SNTG1: variants seen among roughly 807,000 people sequenced by gnomAD.
SNTG1 encodes the protein gamma-1-syntrophin.
Under a neutral mutation model 74.7 loss-of-function variants are expected in SNTG1, and 39 were observed. The ratio of observed to expected loss-of-function variants is 0.52; its 90% confidence interval spans 0.40 to 0.68. SNTG1 has a LOEUF of 0.68. SNTG1 is among the 30% of genes least tolerant of loss of function. The probability of loss-of-function intolerance (pLI) is 0.00; values close to 1 mark genes in which losing one functional copy is unlikely to be tolerated. For synonymous variants in SNTG1, 254 were observed against 217.1 expected (o/e 1.17, Z -1.49); for missense variants, 685 against 609.5 (o/e 1.12, Z -1.30).
chr8:50,189,656 G>T (rs1007150214), intron 2 of SNTG1, among the ~76,000 whole-genome samples: 1 of 152,174 alleles, frequency 6.6e-6, no homozygotes, highest in African/African-American at 2.4e-5. Context: ...TACCAAGTCT[G>T]CTGTAAGACC....
At chr8:50,027,336 T>G (rs900958) in intron 1 of SNTG1, among the ~76,000 whole-genome samples, 125,684 of 152,078 alleles carry the variant, frequency 0.83, 52,110 homozygotes, top group East Asian at 0.95. Flanking sequence ...GACACCAGCC[T>G]TATCCAGACA....
At chr8:50,554,908 G>C (rs1363152131) in intron 12 of SNTG1, among the ~76,000 whole-genome samples, 1 of 151,644 alleles carries the variant, frequency 6.6e-6, no homozygotes, top group Non-Finnish European at 1.5e-5. Context: ...GTTAAACTTT[G>C]AATCCAAAGT....
intron 15 of SNTG1, among the ~76,000 whole-genome samples, chr8:50,687,221 G>A (rs1293005908): frequency 5.3e-5 from 8 of 149,894 alleles, no homozygotes; most frequent in South Asian, 2.1e-4. Flanking sequence ...AAGAAAGACA[G>A]CGAGAGATGA....
intron 2 of SNTG1, among the ~76,000 whole-genome samples, chr8:50,333,352 G>A (rs2091031936): frequency 1.3e-5 from 2 of 152,204 alleles, no homozygotes; most frequent in African/African-American, 4.8e-5. Flanking sequence ...GTGTTTGTTT[G>A]CAAGTATTTT....
At position 50,307,792 on chromosome 8, in the gene SNTG1, T is replaced by A. The variant is rs566237213; in HGVS notation, c.-27-86420T>A. On this transcript the variant is annotated intron_variant, in intron 2 of 18. Transcript: ENST00000642720. ...ATTATAACTTCTTTCTGTTCTTCAT[T>A]TTTGTAGACATCATTTATTTATAGC... 3.0e-5 allele frequency among the ~76,000 whole-genome samples: 4 copies of A among 131,880 alleles called. No individual in the cohort carries two copies. The South Asian group carries it at 9.7e-4, about 32-fold the overall frequency. The allele number at this position is 131,880 out of a possible 152,430, so 86.5% of individuals were successfully genotyped here.
intron 1 of SNTG1, among the ~76,000 whole-genome samples, chr8:50,024,812 C>A (rs534286564): frequency 1.3e-5 from 2 of 152,222 alleles, no homozygotes; most frequent in South Asian, 4.1e-4. Flanking sequence ...AAAAAGATGG[C>A]TACTAAGGGA....
chr8:50,448,090 A>G (rs1379148622), intron 5 of SNTG1, among the ~76,000 whole-genome samples: 1 of 152,210 alleles, frequency 6.6e-6, no homozygotes, highest in Non-Finnish European at 1.5e-5. Context: ...TGTTAGGGAC[A>G]CACAGACCAA....
intron 2 of SNTG1, among the ~76,000 whole-genome samples, chr8:50,296,058 T>C (rs1224349655): frequency 2.0e-5 from 3 of 152,172 alleles, no homozygotes; most frequent in Non-Finnish European, 4.4e-5. Flanking sequence ...ATATTTAATA[T>C]TCAATTTGTC....
intron 1 of SNTG1, among the ~76,000 whole-genome samples, chr8:49,970,993 G>T (rs1811612869): frequency 6.6e-6 from 1 of 152,156 alleles, no homozygotes; most frequent in Non-Finnish European, 1.5e-5. Flanking sequence ...AATAGAAAAA[G>T]AGGGAATCCT....
intron 1 of SNTG1, among the ~76,000 whole-genome samples, chr8:50,073,849 G>T (rs1221324450): frequency 6.6e-6 from 1 of 151,050 alleles, no homozygotes; most frequent in East Asian, 1.9e-4. Flanking sequence ...TGAGAAGCAG[G>T]TCTTAACAGT....
At chr8:50,702,093 C>A (rs2095428166) in intron 15 of SNTG1, among the ~76,000 whole-genome samples, 1 of 152,018 alleles carries the variant, frequency 6.6e-6, no homozygotes, top group Non-Finnish European at 1.5e-5. Context: ...CTCAAGTGAT[C>A]TGCCCACCTC....
At chr8:50,085,161 T>C (rs372056352) in intron 1 of SNTG1, among the ~76,000 whole-genome samples, 2 of 152,346 alleles carry the variant, frequency 1.3e-5, no homozygotes, top group East Asian at 1.9e-4. Context: ...AGATAAAGCC[T>C]CTTTTATTTA....
At chr8:50,382,625 AACT>A (rs1329263086) in intron 2 of SNTG1, among the ~76,000 whole-genome samples, 2 of 152,222 alleles carry the variant, frequency 1.3e-5, no homozygotes, top group African/African-American at 2.4e-5. Context: ...CATCAAAATA[AACT>A]ACTTTCAATA....
chr8:50,232,156 A>AACT (rs2085661616), intron 2 of SNTG1, among the ~76,000 whole-genome samples: 1 of 151,422 alleles, frequency 6.6e-6, no homozygotes, highest in African/African-American at 2.4e-5. Context: ...AAAATAAATA[A>AACT]ACTACAGAGC....
chr8:50,032,676 G>A (rs1053205835), intron 1 of SNTG1, among the ~76,000 whole-genome samples: 10 of 152,004 alleles, frequency 6.6e-5, no homozygotes, highest in Admixed American at 3.3e-4. Flanking sequence ...AGTTTGTTTC[G>A]TAGATACAAT....
intron 1 of SNTG1, among the ~76,000 whole-genome samples, chr8:49,965,531 A>G (rs1486390997): frequency 6.6e-6 from 1 of 152,194 alleles, no homozygotes; most frequent in African/African-American, 2.4e-5. Context: ...GAAGCTCAAG[A>G]GAATCCTGCT....
rs192832260 is a variant in SNTG1 at position 50,383,161 on chromosome 8, C to T, written c.-27-11051C>T. ...ACCATCACAGCTCACCCTTTGTCAA[C>T]GTAACATTCATATATATCCCCTTAA... On this transcript the variant is annotated intron_variant, in intron 2 of 18. Transcript: ENST00000642720. Among the ~76,000 whole-genome samples the T allele has an allele frequency of 9.9e-5, 15 of 152,274 alleles. No individual in the cohort carries two copies. In the East Asian group the frequency reaches 2.1e-3, roughly 22 times the overall value.
chr8:50,276,012 C>A (rs1050265346), intron 2 of SNTG1, among the ~76,000 whole-genome samples: 3 of 152,158 alleles, frequency 2.0e-5, no homozygotes, highest in Non-Finnish European at 4.4e-5. Flanking sequence ...TAACCAATGT[C>A]TATTTTATTT....
intron 2 of SNTG1, among the ~76,000 whole-genome samples, chr8:50,335,123 C>T (rs1308780501): frequency 6.6e-6 from 1 of 152,110 alleles, no homozygotes; most frequent in Non-Finnish European, 1.5e-5. Flanking sequence ...CTTACTTGAC[C>T]TTGTCTTGTT....
Sources: allele counts gnomAD v4.1 joint callset (sites outside exome capture counted in the v4.1 genomes callset), GRCh38; gene constraint gnomAD v4.1.1; transcripts MANE v1.5; gene names NCBI Gene and HGNC (gene_info 2026-07-23, HGNC 2026-07-21).